MAGI2: variants seen among roughly 807,000 people sequenced by gnomAD.
MAGI2 encodes the protein membrane associated guanylate kinase, WW and PDZ domain containing 2.
MAGI2 carries 35 observed loss-of-function variants against 133.3 expected under a neutral mutation model. That is an observed-to-expected ratio of 0.26 (90% CI 0.20 to 0.35). The LOEUF (loss-of-function observed/expected upper bound fraction) is 0.35, where lower values mean the gene tolerates loss of function less well. Ranked by LOEUF, MAGI2 falls within the 10% of genes least tolerant of loss-of-function variation. MAGI2 has a pLI of 1.00. For synonymous variants in MAGI2, 729 were observed against 710.6 expected (o/e 1.03, Z -0.41); for missense variants, 1,636 against 1,863.4 (o/e 0.88, Z 2.25).
chr7:79,446,213 G>A (rs1340969232), intron 1 of MAGI2, among the ~76,000 whole-genome samples: 1 of 152,060 alleles, frequency 6.6e-6, no homozygotes, highest in Non-Finnish European at 1.5e-5. Flanking sequence ...TATACCTAAT[G>A]TTAAATGACA....
intron 21 of MAGI2, among the ~76,000 whole-genome samples, chr7:78,058,799 G>A (rs1006631097): frequency 1.3e-5 from 2 of 152,180 alleles, no homozygotes; most frequent in African/African-American, 4.8e-5. Flanking sequence ...TGGATGAGTA[G>A]ACCAAGGTCC....
intron 2 of MAGI2, among the ~76,000 whole-genome samples, chr7:78,636,017 G>A (rs896737425): frequency 6.6e-6 from 1 of 152,184 alleles, no homozygotes; most frequent in East Asian, 1.9e-4. Context: ...ATAAAGTAAT[G>A]TAGGCCTTAT....
chr7:78,554,824 C>T (rs1417256723), intron 3 of MAGI2, among the ~76,000 whole-genome samples: 1 of 152,090 alleles, frequency 6.6e-6, no homozygotes, highest in Non-Finnish European at 1.5e-5. Context: ...TCTCCCATTT[C>T]CATCAAACTT....
intron 2 of MAGI2, among the ~76,000 whole-genome samples, chr7:78,704,701 G>A (rs150496775): frequency 4.1e-4 from 62 of 151,380 alleles, no homozygotes; most frequent in African/African-American, 1.2e-3. Flanking sequence ...TATATACACC[G>A]TGGAATACTA....
chr7:78,674,913 A>G (rs185932258), intron 2 of MAGI2, among the ~76,000 whole-genome samples: 5 of 152,328 alleles, frequency 3.3e-5, no homozygotes, highest in Admixed American at 1.3e-4. Context: ...TTCCTGAAAT[A>G]TAAAAAGCTC....
chr7:78,966,764 G>A (rs148640319), intron 2 of MAGI2, among the ~76,000 whole-genome samples: 2 of 151,604 alleles, frequency 1.3e-5, no homozygotes, highest in Non-Finnish European at 2.9e-5. Flanking sequence ...TTTCCACAGG[G>A]GCTGCACCAT....
intron 9 of MAGI2, among the ~76,000 whole-genome samples, chr7:78,333,488 G>A (rs922135915): frequency 3.3e-5 from 5 of 152,210 alleles, no homozygotes; most frequent in Admixed American, 6.5e-5. Flanking sequence ...GATCCAAAGA[G>A]TAGAAAAGTT....
chr7:79,317,219 T>C (rs1838807475), intron 1 of MAGI2, among the ~76,000 whole-genome samples: 1 of 152,074 alleles, frequency 6.6e-6, no homozygotes, highest in Non-Finnish European at 1.5e-5. Context: ...AGACGGGTTT[T>C]CACCTTATTG....
At chr7:79,042,516 G>T (rs1811764748) in intron 1 of MAGI2, among the ~76,000 whole-genome samples, 1 of 152,056 alleles carries the variant, frequency 6.6e-6, no homozygotes, top group African/African-American at 2.4e-5. Context: ...AGGGCATTTA[G>T]CCTGTTTACA....
At chr7:79,353,362 G>A (rs1245355990) in intron 1 of MAGI2, 2 of 433,074 alleles carry the variant, frequency 4.6e-6, no homozygotes, top group Non-Finnish European at 9.3e-6. Context: ...AGTCATGGAG[G>A]AAGCCTTGCT....
intron 10 of MAGI2, among the ~76,000 whole-genome samples, chr7:78,231,934 G>T (rs1425466577): frequency 6.6e-6 from 1 of 151,270 alleles, no homozygotes; most frequent in Non-Finnish European, 1.5e-5. Flanking sequence ...AACCAAGAGG[G>T]TTTTTTTTCC....
intron 2 of MAGI2, among the ~76,000 whole-genome samples, chr7:78,672,177 A>G (rs1814467535): frequency 6.6e-6 from 1 of 152,086 alleles, no homozygotes; most frequent in Admixed American, 6.6e-5. Context: ...GCCTAGTGGG[A>G]AATGTTTGGG....
chr7:78,328,691 A>C (rs1177393843), intron 9 of MAGI2, among the ~76,000 whole-genome samples: 1 of 152,100 alleles, frequency 6.6e-6, no homozygotes, highest in Non-Finnish European at 1.5e-5. Context: ...AATTATGTTC[A>C]CTATTTCATA....
intron 1 of MAGI2, among the ~76,000 whole-genome samples, chr7:79,380,128 A>G (rs1421261176): frequency 6.6e-6 from 1 of 151,854 alleles, no homozygotes; most frequent in African/African-American, 2.4e-5. Flanking sequence ...AATGGCAACA[A>G]AAGCCAGAAT....
Position 78,160,193 on chromosome 7 carries a change from A to C in MAGI2, c.2677T>G (p.Tyr893Asp), listed in dbSNP as rs1363752124. 5 of 1,612,476 alleles carry C rather than the reference A, an allele frequency of 3.1e-6. No individual in the cohort carries two copies. The highest frequency in any genetic ancestry group is 1.7e-4 in the Middle Eastern group (1 of 6,060). Residue 893 changes from tyrosine (Y) to aspartate (D), a missense_variant, in exon 16 of 22, where the codon TAC becomes GAC. Tyr to Asp is a radical substitution (Grantham distance 160). Around this residue, in one of 5 missense-constraint regions of MAGI2, gnomAD observed 920 missense variants for 1,093.5 expected, o/e 0.84. Coordinates refer to ENST00000354212, the MANE Select transcript of MAGI2 (RefSeq NM_012301.4). ...GGGGCAGCGTGGTTGCTGTTGGTGTAGGTTGCGTAGTCACTGCGTGGAGAG... is the reference window on the plus strand; with the variant it reads ...GGGGCAGCGTGGTTGCTGTTGGTGTCGGTTGCGTAGTCACTGCGTGGAGAG... ...HSSPRSDYAT[Y>D]TNSNHAAPSS...
intron 2 of MAGI2, among the ~76,000 whole-genome samples, chr7:78,688,578 T>C (rs1449049214): frequency 1.3e-5 from 2 of 152,190 alleles, no homozygotes; most frequent in Non-Finnish European, 2.9e-5. Context: ...ACTGAAAGGA[T>C]CATTTAAATT....
chr7:79,060,886 A>G (rs201150981), intron 1 of MAGI2, among the ~76,000 whole-genome samples: 1 of 152,164 alleles, frequency 6.6e-6, no homozygotes, highest in Non-Finnish European at 1.5e-5. Context: ...AAGAACAATT[A>G]TACTAAAAGA....
chr7:79,452,522 C>A (rs542422150), intron 1 of MAGI2, among the ~76,000 whole-genome samples: 1 of 152,238 alleles, frequency 6.6e-6, no homozygotes, highest in Admixed American at 6.5e-5. Flanking sequence ...GGGACCCAGG[C>A]GCCCCCAGCC....
At chr7:78,681,606 C>A (rs11764280) in intron 2 of MAGI2, among the ~76,000 whole-genome samples, 8,195 of 152,176 alleles carry the variant, frequency 0.054, 331 homozygotes, top group Non-Finnish European at 0.084. Flanking sequence ...GAACATCGAT[C>A]TGTAATATAT....
Sources: gnomAD v4.1 joint callset for allele counts (sites outside exome capture counted in the v4.1 genomes callset) on GRCh38, gnomAD v4.1.1 for gene constraint, gnomAD v4.1.1 regional missense constraint, MANE v1.5 for transcripts, NCBI Gene and HGNC (gene_info 2026-07-23, HGNC 2026-07-21) for gene names.